The following WIPF3 variants were observed in gnomAD, a reference collection of about 807,000 sequenced individuals.
WIPF3 encodes WAS/WASL interacting protein family member 3.
In WIPF3, 33 loss-of-function variants were observed where a neutral mutation model predicts 38.9. The ratio of observed to expected loss-of-function variants is 0.85; its 90% confidence interval spans 0.64 to 1.14. The LOEUF is 1.14. Ranked by LOEUF, WIPF3 falls within the 50% of genes most tolerant of loss-of-function variation. The pLI is 0.00. For synonymous variants in WIPF3, 324 were observed against 269.3 expected (o/e 1.20, Z -1.99); for missense variants, 711 against 652.5 (o/e 1.09, Z -0.98).
At chr7:29,884,869 C>A (rs1195090515) in intron 5 of WIPF3, among the ~76,000 whole-genome samples, 1 of 152,150 alleles carries the variant, frequency 6.6e-6, no homozygotes, top group Non-Finnish European at 1.5e-5. Context: ...GTTGTTACCT[C>A]CTGGGTTTGT....
chr7:29,813,233 C>T (rs1784407737), intron 1 of WIPF3, among the ~76,000 whole-genome samples: 1 of 152,186 alleles, frequency 6.6e-6, no homozygotes, highest in Non-Finnish European at 1.5e-5. Context: ...CATGTGGGTC[C>T]CCAAATTGAT....
chr7:29,888,785 C>G (rs1562787362), intron 6 of WIPF3, among the ~76,000 whole-genome samples: 1 of 152,224 alleles, frequency 6.6e-6, no homozygotes, highest in Non-Finnish European at 1.5e-5. Context: ...GCCCTCCCCT[C>G]CTGCCAACAG....
intron 8 of WIPF3, among the ~76,000 whole-genome samples, chr7:29,913,451 A>G (rs1474120741): frequency 1.3e-5 from 2 of 152,042 alleles, no homozygotes; most frequent in Non-Finnish European, 2.9e-5. Context: ...CTAGAAGACT[A>G]TGGCTGATTT....
rs908967247 is a variant in WIPF3 at position 29,916,091 on chromosome 7, C to G, written c.*1575C>G. 2.0e-5 allele frequency: 3 copies of G among 152,152 alleles called. No individual in the cohort carries two copies. The highest frequency in any genetic ancestry group is 4.8e-5 in the African/African-American group (2 of 41,416). 9.4% of individuals were successfully genotyped at this position (152,152 alleles called of 1,614,324 possible). A position where few individuals can be genotyped will look rare whatever the true frequency, so the allele number is the denominator to read the frequency against. On this transcript the variant is annotated 3_prime_UTR_variant, in exon 9 of 9. Coordinates refer to ENST00000242140, the MANE Select transcript of WIPF3 (RefSeq NM_001080529.3). ...CTCATTCCAGATGGAAGCAAGTGAG[C>G]CAGGGTCAAATTCCCTTCTCCAGGG... is the stretch of plus-strand genomic sequence containing the variant.
rs747336655 is a variant in WIPF3 at position 29,889,372 on chromosome 7, C to T, written c.1316C>T (p.Pro439Leu). The change falls in exon 7 of 9, where the codon CCA (proline) becomes CTA (leucine). Residue 439 changes from proline (P) to leucine (L), a missense_variant. By Grantham distance (98) the Pro-to-Leu change is moderately conservative. Coordinates refer to ENST00000242140, the MANE Select transcript of WIPF3 (RefSeq NM_001080529.3). ...EDFPPPDEYK[P>L]CQKIYPSKIP... is the part of the protein sequence containing the mutation. ...TTTCCCCCTCCGGATGAATATAAAC[C>T]ATGCCAGAAGATTTACCCCAGCAAG... The T allele has an allele frequency of 3.1e-6, 5 of 1,613,784 alleles. No individual in the cohort carries two copies. In the African/African-American group the frequency reaches 5.3e-5, roughly 17 times the overall value.
chr7:29,903,370 C>T (rs762695842), intron 7 of WIPF3, among the ~76,000 whole-genome samples: 6 of 152,034 alleles, frequency 3.9e-5, no homozygotes, highest in African/African-American at 1.5e-4. Context: ...CTGAACCCTA[C>T]GTTACCTAAA....
intron 2 of WIPF3, among the ~76,000 whole-genome samples, chr7:29,861,565 AT>A: frequency 6.6e-6 from 1 of 152,044 alleles, no homozygotes; most frequent in African/African-American, 2.4e-5. Context: ...CCATTTATTT[AT>A]TTATTAATAT....
chr7:29,896,212 G>A (rs4722954), intron 7 of WIPF3, among the ~76,000 whole-genome samples: 2 of 151,672 alleles, frequency 1.3e-5, no homozygotes, highest in Non-Finnish European at 2.9e-5. Context: ...GGGAGGCTCA[G>A]GCAGGAGAAT....
At chr7:29,826,597 T>C (rs1487625435) in intron 1 of WIPF3, among the ~76,000 whole-genome samples, 1 of 152,222 alleles carries the variant, frequency 6.6e-6, no homozygotes, top group East Asian at 1.9e-4. Context: ...TGTTTATTCT[T>C]CCTGAGATCC....
intron 1 of WIPF3, among the ~76,000 whole-genome samples, chr7:29,821,137 T>C (rs887519692): frequency 2.6e-5 from 4 of 152,192 alleles, no homozygotes; most frequent in African/African-American, 7.2e-5. Context: ...TTTAAAAACA[T>C]TTGCCACTTG....
intron 2 of WIPF3, among the ~76,000 whole-genome samples, chr7:29,843,972 C>T (rs980047580): frequency 3.3e-5 from 5 of 152,118 alleles, no homozygotes; most frequent in Non-Finnish European, 5.9e-5. Context: ...CAAGCCAACA[C>T]GCCACATCTC....
intron 2 of WIPF3, among the ~76,000 whole-genome samples, chr7:29,862,669 G>T (rs1008750419): frequency 6.6e-6 from 1 of 152,110 alleles, no homozygotes; most frequent in African/African-American, 2.4e-5. Flanking sequence ...GAGATAATAA[G>T]CTTATTGCAG....
chr7:29,883,945 A>T lies in WIPF3; in HGVS notation c.451A>T (p.Arg151Trp). 1 of 1,571,674 alleles carries T rather than the reference A, an allele frequency of 6.4e-7. No homozygotes were observed. Among genetic ancestry groups the T allele is most frequent in the Non-Finnish European group, 8.6e-7 (1 of 1,159,138 alleles). ...SGPLIPPASP[R>W]LGNTSEAHGA... Reference sequence around the variant, plus strand: ...CCCGCTTATCCCGCCTGCCTCTCCCAGGCTAGGCAATACCTCCGAGGCGCA... The same window carrying T: ...CCCGCTTATCCCGCCTGCCTCTCCCTGGCTAGGCAATACCTCCGAGGCGCA... Residue 151 changes from arginine (R) to tryptophan (W), a missense_variant, in exon 5 of 9, where the codon AGG becomes TGG. Coordinates refer to ENST00000242140, the MANE Select transcript of WIPF3 (RefSeq NM_001080529.3).
At chr7:29,817,878 A>G (rs1308704998) in intron 1 of WIPF3, among the ~76,000 whole-genome samples, 1 of 152,222 alleles carries the variant, frequency 6.6e-6, no homozygotes, top group African/African-American at 2.4e-5. Flanking sequence ...ATACATTAAT[A>G]TAGAGAAAAA....
chr7:29,913,918 G>A (rs1409409142), intron 8 of WIPF3, among the ~76,000 whole-genome samples: 2 of 152,190 alleles, frequency 1.3e-5, no homozygotes, highest in African/African-American at 4.8e-5. Flanking sequence ...ATCTCCGCCT[G>A]CAAGTCTACT....
At position 29,819,343 on chromosome 7, in the gene WIPF3, CTCTA is replaced by C. The variant is rs779379879; in HGVS notation, c.-58+12672_-58+12675del. Among the ~76,000 whole-genome samples, 13 of 151,950 alleles carry C rather than the reference CTCTA, an allele frequency of 8.6e-5. 1 individual carries two copies. The highest frequency in any genetic ancestry group is 4.6e-4 in the Admixed American group (7 of 15,246). The stretch of plus-strand genomic sequence containing the variant: ...TTTCAGCAAAATCTTTTAATGTCTT[CTCTA>C]TCTATCATTATTTTCCCTGTCTCTT... On this transcript the variant is annotated intron_variant, in intron 1 of 8. Coordinates refer to ENST00000242140, the MANE Select transcript of WIPF3 (RefSeq NM_001080529.3).
chr7:29,828,970 C>T (rs1784671780), intron 1 of WIPF3, among the ~76,000 whole-genome samples: 1 of 152,186 alleles, frequency 6.6e-6, no homozygotes, highest in Non-Finnish European at 1.5e-5. Flanking sequence ...CAGCCTTTTC[C>T]TCTTCTCCCC....
intron 7 of WIPF3, among the ~76,000 whole-genome samples, chr7:29,901,260 G>A (rs1786269187): frequency 6.6e-6 from 1 of 152,114 alleles, no homozygotes; most frequent in Non-Finnish European, 1.5e-5. Flanking sequence ...GAATGGCTCT[G>A]CTTTTGAATT....
At position 29,904,294 on chromosome 7, in the gene WIPF3, C is replaced by T. The variant is rs545323247; in HGVS notation, c.1360C>T (p.Pro454Ser). The part of the protein sequence containing the change: ...YPSKIPRSRT[P>S]GPWLQAEAVG... ...GTTCTTTTTTCCTTCAGGCCGTACA[C>T]CTGGTCCCTGGCTCCAAGCGGAAGC... is the stretch of plus-strand genomic sequence containing the variant. Residue 454 changes from proline to serine, a missense_variant, in exon 8 of 9, where the codon CCT becomes TCT. Transcript: ENST00000242140. 6.2e-7 allele frequency: 1 copy of T among 1,613,886 alleles called. No individual in the cohort carries two copies. Among genetic ancestry groups the T allele is most frequent in the African/African-American group, 1.3e-5 (1 of 75,018 alleles).
Sources: gnomAD v4.1 joint callset for allele counts (sites outside exome capture counted in the v4.1 genomes callset) on GRCh38, gnomAD v4.1.1 for gene constraint, MANE v1.5 for transcripts, NCBI Gene and HGNC (gene_info 2026-07-23, HGNC 2026-07-21) for gene names.